Variants in DDAH1 observed in about 807,000 individuals in gnomAD.
DDAH1 encodes the protein dimethylarginine dimethylaminohydrolase 1.
A neutral mutation model predicts 28.8 loss-of-function variants in DDAH1; 19 were observed. That is an observed-to-expected ratio of 0.66 (90% CI 0.46 to 0.97). The LOEUF is 0.97. Among genes scored for constraint, DDAH1 ranks in the 50% least tolerant of loss-of-function variants. The pLI is 0.00. For missense variants in DDAH1, 326 were observed against 375.9 expected, an observed-to-expected ratio of 0.87 and a Z score of 1.10; for synonymous variants, 153 against 154.4, an observed-to-expected ratio of 0.99 and a Z score of 0.07.
intron 1 of DDAH1, among the ~76,000 whole-genome samples, chr1:85,425,463 T>C (rs1438415730): frequency 6.6e-6 from 1 of 152,164 alleles, no homozygotes; most frequent in Non-Finnish European, 1.5e-5. Flanking sequence ...CTATAAGGAA[T>C]ACTTTTGCCA....
chr1:85,367,382 C>T (rs767071349), intron 1 of DDAH1, among the ~76,000 whole-genome samples: 2 of 152,114 alleles, frequency 1.3e-5, no homozygotes, highest in East Asian at 1.9e-4. Context: ...TCCTGCTATG[C>T]GCTCTGAGGA....
At chr1:85,334,791 T>C (rs1204298258) in intron 4 of DDAH1, among the ~76,000 whole-genome samples, 1 of 152,152 alleles carries the variant, frequency 6.6e-6, no homozygotes, top group African/African-American at 2.4e-5. Flanking sequence ...TGGATTACTA[T>C]AGCATCTAGA....
chr1:85,557,349 T>A (rs1225890479), intron 1 of DDAH1, among the ~76,000 whole-genome samples: 1 of 152,234 alleles, frequency 6.6e-6, no homozygotes, highest in Non-Finnish European at 1.5e-5. Flanking sequence ...CATGCACTAT[T>A]CTGTGAGTTC....
chr1:85,452,505 TTTCTA>T (rs1190311356), intron 1 of DDAH1, among the ~76,000 whole-genome samples: 2 of 152,122 alleles, frequency 1.3e-5, no homozygotes, highest in African/African-American at 4.8e-5. Context: ...ACTCTGATAT[TTTCTA>T]TTCTATTTCA....
At chr1:85,529,980 T>C (rs1265225352) in intron 1 of DDAH1, among the ~76,000 whole-genome samples, 1 of 138,384 alleles carries the variant, frequency 7.2e-6, no homozygotes, top group African/African-American at 2.7e-5. Flanking sequence ...TACAGCTCTG[T>C]GGGAAGGACC....
At chr1:85,377,731 T>C (rs1320741390) in intron 1 of DDAH1, among the ~76,000 whole-genome samples, 1 of 140,250 alleles carries the variant, frequency 7.1e-6, no homozygotes, top group East Asian at 2.4e-4. Flanking sequence ...CCCATACAAG[T>C]AGACACACAC....
intron 1 of DDAH1, among the ~76,000 whole-genome samples, chr1:85,425,191 C>T (rs951257183): frequency 1.3e-5 from 2 of 152,162 alleles, no homozygotes; most frequent in Admixed American, 6.5e-5. Context: ...AAACCAAAAT[C>T]TCACTTCAGG....
chr1:85,574,907 G>A (rs1659558552), intron 1 of DDAH1, among the ~76,000 whole-genome samples: 1 of 151,406 alleles, frequency 6.6e-6, no homozygotes, highest in Admixed American at 6.6e-5. Flanking sequence ...ATATATATAT[G>A]TAATTAATTA....
intron 2 of DDAH1, among the ~76,000 whole-genome samples, chr1:85,354,962 A>C (rs1649416191): frequency 6.6e-6 from 1 of 152,076 alleles, no homozygotes; most frequent in Non-Finnish European, 1.5e-5. Flanking sequence ...ATTCAAGAGA[A>C]AGAGTTCAAC....
intron 1 of DDAH1, among the ~76,000 whole-genome samples, chr1:85,531,313 C>T (rs1299070572): frequency 6.6e-6 from 1 of 151,964 alleles, no homozygotes; most frequent in Non-Finnish European, 1.5e-5. Context: ...CATTTCTACT[C>T]TTTCTTGCTG....
At chr1:85,569,149 A>G (rs2100562483) in intron 1 of DDAH1, among the ~76,000 whole-genome samples, 1 of 152,376 alleles carries the variant, frequency 6.6e-6, no homozygotes, top group South Asian at 2.1e-4. Context: ...TCAGATCCAC[A>G]TTGAAACCAA....
At chr1:85,491,871 A>T (rs1656418021) in intron 2 of DDAH1, among the ~76,000 whole-genome samples, 1 of 152,178 alleles carries the variant, frequency 6.6e-6, no homozygotes, top group Non-Finnish European at 1.5e-5. Flanking sequence ...TGCCTGTAAT[A>T]ACTAGGTGAC....
At chr1:85,573,314 G>T (rs1009364681) in intron 1 of DDAH1, among the ~76,000 whole-genome samples, 14 of 152,202 alleles carry the variant, frequency 9.2e-5, no homozygotes, top group Admixed American at 4.6e-4. Context: ...TGATGTTAGT[G>T]GTTGGTTAAG....
chr1:85,484,992 A>G (rs1017559707), intron 2 of DDAH1, among the ~76,000 whole-genome samples: 48 of 152,218 alleles, frequency 3.2e-4, no homozygotes, highest in African/African-American at 1.0e-3. Flanking sequence ...AGTAACTAAT[A>G]CAGGTTACTG....
chr1:85,448,134 T>G (rs1439071716), intron 1 of DDAH1: 1 of 152,396 alleles, frequency 6.6e-6, no homozygotes. Flanking sequence ...ATTAGGAGAT[T>G]TTTTTGTGAT....
At chr1:85,323,968 CA>C (rs11446322) in intron 5 of DDAH1, among the ~76,000 whole-genome samples, 1,209 of 99,910 alleles carry the variant, frequency 0.012, 19 homozygotes, top group African/African-American at 0.035. Context: ...GATCCTGTCT[CA>C]AAAAAAAAAA....
intron 2 of DDAH1, 27 bp from the exon 3 acceptor site, chr1:85,351,606 G>T: frequency 6.4e-7 from 1 of 1,563,232 alleles, no homozygotes; most frequent in South Asian, 1.1e-5. Context: ...GGAACATAGT[G>T]AGCAGGTGGC....
chr1:85,513,133 A>G (rs200398110), intron 1 of DDAH1, among the ~76,000 whole-genome samples: 1 of 152,086 alleles, frequency 6.6e-6, no homozygotes, highest in Non-Finnish European at 1.5e-5. Flanking sequence ...AAACAGCATG[A>G]TACTGGTACC....
In DDAH1 at chr1:85,351,569, A is replaced by G; in HGVS notation, c.414T>C (p.Phe138=). 1 of 1,614,074 alleles carries G rather than the reference A, an allele frequency of 6.2e-7. No homozygotes were observed. The highest frequency in any genetic ancestry group is 1.1e-5 in the South Asian group (1 of 91,074). The change falls in exon 3 of 6, where the codon TTT becomes TTC. Residue 138 remains phenylalanine (F), a synonymous_variant. Coordinates refer to ENST00000284031, the MANE Select transcript of DDAH1 (RefSeq NM_012137.4). ...TTGTCCTTTTGGAAAGGCCCACAAA[A>G]AATTCTCTGCCTGTAATAGATGTCA... ...GGDVLFTGRE[F]FVGLSKRTNQ...
Sources: allele counts gnomAD v4.1 joint callset (sites outside exome capture counted in the v4.1 genomes callset), GRCh38; gene constraint gnomAD v4.1.1; transcripts MANE v1.5; gene names NCBI Gene and HGNC (gene_info 2026-07-23, HGNC 2026-07-21).